Variants in CDAN1 observed in about 807,000 individuals in gnomAD.
CDAN1 encodes codanin-1.
CDAN1 carries 107 observed loss-of-function variants against 139.8 expected under a neutral mutation model. The observed-to-expected ratio is 0.77, with a 90% CI of 0.65 to 0.90. The LOEUF (loss-of-function observed/expected upper bound fraction) is 0.90, where lower values mean the gene tolerates loss of function less well. Among genes scored for constraint, CDAN1 ranks in the 40% least tolerant of loss-of-function variants. The pLI is 0.00. For missense variants in CDAN1, 1,667 were observed against 1,575.7 expected (o/e 1.06, Z -0.98); for synonymous variants, 776 against 660.6 (o/e 1.17, Z -2.68).
In CDAN1 at chr15:42,736,719, G is replaced by A. The variant is rs767033298; in HGVS notation, c.152C>T (p.Pro51Leu). 1.3e-5 allele frequency: 21 copies of A among 1,561,350 alleles called. No homozygotes were observed. The highest frequency in any genetic ancestry group is 2.5e-5 in the East Asian group (1 of 39,990). The change falls in exon 2 of 28, where the codon CCG becomes CTG. Residue 51 changes from proline (P) to leucine (L), a missense_variant. Physicochemically the swap from Pro to Leu is moderately conservative, Grantham distance 98. Transcript: ENST00000356231. ...CTCCCTCAGGAAGTTCAACAGGAAC[G>A]GTACGAATTCTTTCCGCAGGGCCCG... is the stretch of plus-strand genomic sequence containing the variant. ...SLRALRKEFV[P>L]FLLNFLREQS...
At position 42,729,853 on chromosome 15, in the gene CDAN1, C is replaced by T; in HGVS notation, c.2295G>A (p.Leu765=). Residue 765 remains leucine, a synonymous_variant, in exon 16 of 28, where the codon CTG becomes CTA. Coordinates refer to ENST00000356231, the MANE Select transcript of CDAN1 (RefSeq NM_138477.4). ...IPTVPEDLFF[L]EEGPSYAFEV... The stretch of plus-strand genomic sequence containing the variant: ...CAAAGGCATATGAGGGACCCTCTTC[C>T]AGAAAGAACAAGTCCTCAGGGACTG... The T allele has an allele frequency of 1.9e-6, 3 of 1,613,876 alleles. No individual in the cohort carries two copies. The highest frequency in any genetic ancestry group is 1.1e-5 in the South Asian group (1 of 91,056).
intron 13 of CDAN1, 28 bp from the exon 14 acceptor site, chr15:42,730,792 G>A (rs1357553228): frequency 1.2e-6 from 2 of 1,612,510 alleles, no homozygotes; most frequent in East Asian, 4.5e-5. Flanking sequence ...CAGTCAGGGG[G>A]CAGGTCCCTA....
chr15:42,725,721 G>T, intron 25 of CDAN1, 51 bp from the exon 26 acceptor site: 1 of 1,586,022 alleles, frequency 6.3e-7, no homozygotes, highest in Non-Finnish European at 8.6e-7. Context: ...GGCCGGGTGC[G>T]GTGACTCACA....
At chr15:42,728,384 C>T (rs751882229) in intron 20 of CDAN1, 117 bp from the exon 21 acceptor site, 137 of 1,195,226 alleles carry the variant, frequency 1.1e-4, no homozygotes, top group Non-Finnish European at 1.5e-4. Flanking sequence ...AAGGAGGCAC[C>T]GTTTGCCCTC....
Position 42,727,956 on chromosome 15 carries a change from T to C in CDAN1, c.2946A>G (p.Thr982=). 3 of 1,613,854 alleles carry C rather than the reference T, an allele frequency of 1.9e-6. No homozygotes were observed. The highest frequency in any genetic ancestry group is 2.5e-6 in the Non-Finnish European group (3 of 1,179,712). Residue 982 remains threonine, a splice_region_variant and synonymous_variant, in exon 22 of 28, where the codon ACA becomes ACG. Coordinates refer to ENST00000356231, the MANE Select transcript of CDAN1 (RefSeq NM_138477.4). ...CCACTCCCCCATCCAGGACCTTACC[T>C]GTGATGTTGGCTGACAGCCAAGCAC... The part of the protein sequence containing the change: ...KACAWLSANI[T]ALIRREVKAA...
At position 42,736,241 on chromosome 15, in the gene CDAN1, G is replaced by A. The variant is rs764724191; in HGVS notation, c.569+61C>T. On this transcript the variant is annotated intron_variant, in intron 2 of 27. Coordinates refer to ENST00000356231, the MANE Select transcript of CDAN1 (RefSeq NM_138477.4). Reference sequence around the variant, plus strand: ...CGCTCCACTGCGGAGCGCCGAGCTCGAATGACTGACTCCCCAGAGCCTTCG... The same window carrying A: ...CGCTCCACTGCGGAGCGCCGAGCTCAAATGACTGACTCCCCAGAGCCTTCG... 1.6e-5 allele frequency: 25 copies of A among 1,605,654 alleles called. 1 individual carries two copies. In the South Asian group the frequency reaches 2.3e-4, roughly 15 times the overall value.
rs992728743 is a variant in CDAN1, at chr15:42,724,485, T to C, written c.*6A>G. On this transcript the variant is annotated 3_prime_UTR_variant, in exon 28 of 28. Transcript: ENST00000356231. ...GCAATGCCCAAGGCAGGGCCACTTC[T>C]CAGCCCTAGCTCTGGGCCAGCACAG... 1 of 1,577,228 alleles carries C rather than the reference T, an allele frequency of 6.3e-7. No homozygotes were observed. The highest frequency in any genetic ancestry group is 8.6e-7 in the Non-Finnish European group (1 of 1,160,336).
At chr15:42,730,499 G>A (rs770467902) in intron 14 of CDAN1, 99 bp downstream of exon 14, 51 of 1,385,126 alleles carry the variant, frequency 3.7e-5, no homozygotes, top group South Asian at 4.9e-5. Context: ...GGCCCCACAC[G>A]CACAGTGCAG....
At chr15:42,724,670 C>T (rs996966290) in intron 27 of CDAN1, 54 bp from the exon 28 acceptor site, 2 of 1,544,830 alleles carry the variant, frequency 1.3e-6, no homozygotes, top group Non-Finnish European at 1.7e-6. Context: ...TTCTCAATGG[C>T]TCATCCTTTG....
chr15:42,728,113 G>GC, intron 21 of CDAN1, 80 bp from the exon 22 acceptor site: 1 of 1,575,880 alleles, frequency 6.3e-7, no homozygotes, highest in East Asian at 2.2e-5. Flanking sequence ...CACTGACCCC[G>GC]CCCCCACACA....
chr15:42,727,701 C>T lies in CDAN1; in HGVS notation c.3016G>A (p.Ala1006Thr), dbSNP rs772513393. The T allele has an allele frequency of 1.3e-6, 2 of 1,584,120 alleles. No individual in the cohort carries two copies. Among genetic ancestry groups the T allele is most frequent in the Non-Finnish European group, 1.7e-6 (2 of 1,160,858 alleles). The stretch of plus-strand genomic sequence containing the variant: ...GAGCAGCCCCTCCGCTCCCCCCGGG[C>T]AGCAGGTTCAGGACCCTGGGCTCGA... ...TLRAQGPEPA[A>T]RGERRGCSRA... Residue 1006 changes from alanine (A) to threonine (T), a missense_variant, in exon 23 of 28, where the codon GCC becomes ACC. Coordinates refer to ENST00000356231, the MANE Select transcript of CDAN1 (RefSeq NM_138477.4).
chr15:42,724,197 A>G lies in CDAN1; in HGVS notation c.*294T>C, dbSNP rs984561840. On this transcript the variant is annotated 3_prime_UTR_variant, in exon 28 of 28. Coordinates refer to ENST00000356231, the MANE Select transcript of CDAN1 (RefSeq NM_138477.4). Reference sequence around the variant, plus strand: ...AATGAGGCTTGAATTCTGTGTTGACAAGCCCACACACCTCATTTCATTTAG... The same window carrying G: ...AATGAGGCTTGAATTCTGTGTTGACGAGCCCACACACCTCATTTCATTTAG... 2.4e-6 allele frequency: 1 copy of G among 418,232 alleles called. No individual in the cohort carries two copies. Among genetic ancestry groups the G allele is most frequent in the Admixed American group, 3.6e-5 (1 of 27,948 alleles). The allele number at this position is 418,232 out of a possible 1,614,324, so 25.9% of individuals were successfully genotyped here. A position where few individuals can be genotyped will look rare whatever the true frequency, so the allele number is the denominator to read the frequency against.
In CDAN1 at chr15:42,737,077, A is replaced by G. The variant is rs1441801566; in HGVS notation, c.26T>C (p.Leu9Pro). The G allele has an allele frequency of 6.6e-7, 1 of 1,524,866 alleles. No homozygotes were observed. The highest frequency in any genetic ancestry group is 8.8e-7 in the Non-Finnish European group (1 of 1,133,828). The allele number at this position is 1,524,866 out of a possible 1,614,324, so 94.5% of individuals were successfully genotyped here. Reference sequence around the variant, plus strand: ...GGCTGCGACCGACACCTCTTCTCGCAGCAGCGACTCCAAAACGGCCGCCAT... The same window carrying G: ...GGCTGCGACCGACACCTCTTCTCGCGGCAGCGACTCCAAAACGGCCGCCAT... Reference protein sequence around the residue: MAAVLESLLREEVSVAAVV... With the variant: MAAVLESLPREEVSVAAVV... Residue 9 changes from leucine to proline, a missense_variant, in exon 1 of 28, where the codon CTG (leucine) becomes CCG (proline). Around this residue, in one of 3 missense-constraint regions of CDAN1, gnomAD observed 487 missense variants for 422.2 expected, o/e 1.15. Coordinates refer to ENST00000356231, the MANE Select transcript of CDAN1 (RefSeq NM_138477.4).
intron 17 of CDAN1, 40 bp from the exon 18 acceptor site, chr15:42,729,402 C>G: frequency 6.2e-7 from 1 of 1,613,390 alleles, no homozygotes; most frequent in Non-Finnish European, 8.5e-7. Flanking sequence ...CCAGAACCCT[C>G]TCCCCTCCCT....
chr15:42,725,155 G>T lies in CDAN1; in HGVS notation c.3547C>A (p.Gln1183Lys). 1 of 1,613,308 alleles carries T rather than the reference G, an allele frequency of 6.2e-7. No individual in the cohort carries two copies. Among genetic ancestry groups the T allele is most frequent in the Non-Finnish European group, 8.5e-7 (1 of 1,179,210 alleles). ...AGGAGACTCCTTACCCCTGGCCACT[G>T]GGCCTGGTGGAGGCTGCCCAGGCAG... ...EACLGSLHQA[Q>K]WPGDFAEELA... Residue 1183 changes from glutamine to lysine, a missense_variant, in exon 27 of 28, where the codon CAG becomes AAG. Physicochemically the swap from Gln to Lys is moderately conservative, Grantham distance 53. This residue lies in a region of CDAN1 where 936 missense variants were observed against 844.1 expected (regional missense o/e 1.11). Coordinates refer to ENST00000356231, the MANE Select transcript of CDAN1 (RefSeq NM_138477.4).
chr15:42,727,384 C>T (rs1249894532), intron 23 of CDAN1, among the ~76,000 whole-genome samples: 1 of 152,232 alleles, frequency 6.6e-6, no homozygotes, highest in African/African-American at 2.4e-5. Context: ...CAAAAATGTC[C>T]TAGCTGCCCT....
In CDAN1 at chr15:42,727,738, CACT is replaced by C; in HGVS notation, c.2976_2978del (p.Val993del). 1 of 1,590,264 alleles carries C rather than the reference CACT, an allele frequency of 6.3e-7. No homozygotes were observed. Reference sequence around the variant, plus strand: ...GACCCTGGGCTCGAAGTGTGCGACTCACTGCTGCTTTCACCTCCCTCCTGATCA... The same window carrying C: ...GACCCTGGGCTCGAAGTGTGCGACTCGCTGCTTTCACCTCCCTCCTGATCA... On this transcript the variant is annotated inframe_deletion, in exon 23 of 28. Coordinates refer to ENST00000356231, the MANE Select transcript of CDAN1 (RefSeq NM_138477.4).
intron 23 of CDAN1, chr15:42,726,762 C>G: frequency 2.8e-6 from 1 of 353,518 alleles, no homozygotes; most frequent in Admixed American, 4.3e-5. Flanking sequence ...TATCAGATAC[C>G]GTCTTAGTAT....
chr15:42,727,923 T>C, intron 22 of CDAN1, 32 bp downstream of exon 22: 1 of 1,610,138 alleles, frequency 6.2e-7, no homozygotes, highest in Non-Finnish European at 8.5e-7. Flanking sequence ...TTTAAACACT[T>C]GATTCAGCCA....
Sources: gnomAD v4.1 joint callset for allele counts (sites outside exome capture counted in the v4.1 genomes callset) on GRCh38, gnomAD v4.1.1 for gene constraint, gnomAD v4.1.1 regional missense constraint, MANE v1.5 for transcripts, NCBI Gene and HGNC (gene_info 2026-07-23, HGNC 2026-07-21) for gene names.